Variants in IL1R1 observed in about 807,000 individuals in gnomAD.
IL1R1 encodes the protein interleukin 1 receptor type 1, also known as interleukin-1 receptor type 1.
In IL1R1, 22 loss-of-function variants were observed where a neutral mutation model predicts 50.2. The observed-to-expected ratio is 0.44, with a 90% CI of 0.31 to 0.63. The LOEUF is 0.63. IL1R1 is among the 20% of genes least tolerant of loss of function. The pLI is 0.07. For missense variants in IL1R1, 509 were observed against 676.2 expected, an observed-to-expected ratio of 0.75 and a Z score of 2.74; for synonymous variants, 251 against 236.7, an observed-to-expected ratio of 1.06 and a Z score of -0.55.
At chr2:102,073,529 T>C (rs1041482117) in intron 1 of IL1R1, among the ~76,000 whole-genome samples, 1 of 152,198 alleles carries the variant, frequency 6.6e-6, no homozygotes, top group Non-Finnish European at 1.5e-5. Context: ...CTGATGATGA[T>C]TGACAGGGAA....
chr2:102,169,947 A>T (rs1322169584), intron 7 of IL1R1, among the ~76,000 whole-genome samples: 1 of 152,104 alleles, frequency 6.6e-6, no homozygotes, highest in Non-Finnish European at 1.5e-5. Context: ...ACCACAAACC[A>T]TGTAATATCT....
rs1254417919 is a variant in IL1R1, at chr2:102,168,519, A to G, written c.656-79A>G. The G allele has an allele frequency of 2.8e-6, 3 of 1,077,138 alleles. No individual in the cohort carries two copies. In the East Asian group the frequency reaches 7.1e-5, roughly 26 times the overall value. 66.7% of individuals were successfully genotyped at this position (1,077,138 alleles called of 1,614,324 possible). Reference sequence around the variant, plus strand: ...AATATCTGGCCAGAAGTCATTTAGTATGTTTTGCTAAGTGTTGTCGTCACT... The same window carrying G: ...AATATCTGGCCAGAAGTCATTTAGTGTGTTTTGCTAAGTGTTGTCGTCACT... On this transcript the variant is annotated intron_variant, in intron 6 of 11. Transcript: ENST00000410023.
intron 7 of IL1R1, among the ~76,000 whole-genome samples, chr2:102,171,575 A>G (rs1238281176): frequency 3.3e-5 from 5 of 152,182 alleles, no homozygotes. Flanking sequence ...ACAAAATAGT[A>G]GGCAAAAAGA....
At chr2:102,141,222 G>A (rs1682627475), upstream of IL1R1, among the ~76,000 whole-genome samples, 1 of 152,150 alleles carries the variant, frequency 6.6e-6, no homozygotes, top group African/African-American at 2.4e-5. Flanking sequence ...GAGCTTAGAG[G>A]AACAACTGCT....
intron 1 of IL1R1, among the ~76,000 whole-genome samples, chr2:102,106,142 G>A (rs1484276469): frequency 6.6e-6 from 1 of 152,174 alleles, no homozygotes; most frequent in Non-Finnish European, 1.5e-5. Flanking sequence ...GGATGGTGGG[G>A]AAGGATGCTT....
chr2:102,176,676 C>G lies in IL1R1; in HGVS notation c.1627C>G (p.Arg543Gly). The stretch of plus-strand genomic sequence containing the variant: ...CAGGTACCACATGCCAGTCCAGCGA[C>G]GGTCACCTTCATCTAAACACCAGTT... ...NVRYHMPVQR[R>G]SPSSKHQLLS... is the part of the protein sequence containing the mutation. Residue 543 changes from arginine (R) to glycine (G), a missense_variant, in exon 12 of 12, where the codon CGG (arginine) becomes GGG (glycine). Coordinates refer to ENST00000410023, the MANE Select transcript of IL1R1 (RefSeq NM_000877.4). The G allele has an allele frequency of 1.2e-6, 2 of 1,614,210 alleles. No homozygotes were observed. Among genetic ancestry groups the G allele is most frequent in the South Asian group, 1.1e-5 (1 of 91,088 alleles).
intron 1 of IL1R1, among the ~76,000 whole-genome samples, chr2:102,131,440 C>G (rs2104416522): frequency 6.6e-6 from 1 of 152,076 alleles, no homozygotes; most frequent in South Asian, 2.1e-4. Flanking sequence ...AATTAGCAGA[C>G]AAGGACATGG....
chr2:102,083,256 T>C (rs1397523000), intron 1 of IL1R1, among the ~76,000 whole-genome samples: 2 of 152,118 alleles, frequency 1.3e-5, no homozygotes, highest in East Asian at 3.9e-4. Flanking sequence ...TGAGTGGGTG[T>C]TTGGAAAAAA....
chr2:102,071,345 T>G (rs994998446), intron 1 of IL1R1, among the ~76,000 whole-genome samples: 20 of 152,332 alleles, frequency 1.3e-4, no homozygotes, highest in African/African-American at 4.8e-4. Flanking sequence ...TCCTTAACAC[T>G]TTTCTCTCTT....
intron 1 of IL1R1, among the ~76,000 whole-genome samples, chr2:102,084,213 C>T (rs976125154): frequency 3.9e-5 from 6 of 152,156 alleles, no homozygotes; most frequent in African/African-American, 1.4e-4. Context: ...CTCAGTTAAA[C>T]TAAAGACAGC....
chr2:102,123,990 G>A (rs1165409342), intron 1 of IL1R1, among the ~76,000 whole-genome samples: 3 of 151,904 alleles, frequency 2.0e-5, no homozygotes, highest in African/African-American at 7.3e-5. Flanking sequence ...AGAGAAAGGG[G>A]TTTATCTTGT....
intron 1 of IL1R1, among the ~76,000 whole-genome samples, chr2:102,150,721 C>T (rs1182953342): frequency 3.3e-5 from 5 of 152,172 alleles, no homozygotes; most frequent in African/African-American, 9.7e-5. Context: ...GATGACCAGC[C>T]TAGGCCTTGG....
exon 1 of IL1R1, chr2:102,104,666 A>G (rs1680303145): frequency 6.6e-6 from 1 of 152,246 alleles, no homozygotes; most frequent in South Asian, 2.1e-4. Context: ...GTCCGGCAAG[A>G]TGTGAGTTGT....
chr2:102,175,712 A>C, intron 11 of IL1R1, 67 bp downstream of exon 11: 1 of 1,464,188 alleles, frequency 6.8e-7, no homozygotes, highest in South Asian at 1.1e-5. Context: ...TGTGGATTCC[A>C]TCTTTCTAGA....
At chr2:102,072,665 G>T (rs2104265093) in intron 1 of IL1R1, among the ~76,000 whole-genome samples, 1 of 152,076 alleles carries the variant, frequency 6.6e-6, no homozygotes, top group Admixed American at 6.5e-5. Context: ...TTCTCTCTTG[G>T]ATTTGTGAGA....
chr2:102,179,380 A>C lies in IL1R1; in HGVS notation c.*2621A>C, dbSNP rs1023127258. ...GAGGAAGATCCAAACAGAAAAGTGC[A>C]AAGTTATTCCCCATCTTCCAAGGGT... On this transcript the variant is annotated 3_prime_UTR_variant, in exon 12 of 12. Coordinates refer to ENST00000410023, the MANE Select transcript of IL1R1 (RefSeq NM_000877.4). 2 of 152,340 alleles carry C rather than the reference A, an allele frequency of 1.3e-5. No individual in the cohort carries two copies. The highest frequency in any genetic ancestry group is 2.4e-5 in the African/African-American group (1 of 41,442). 9.4% of individuals were successfully genotyped at this position (152,340 alleles called of 1,614,324 possible).
chr2:102,092,979 A>T (rs1679743486), intron 1 of IL1R1, among the ~76,000 whole-genome samples: 1 of 152,230 alleles, frequency 6.6e-6, no homozygotes, highest in South Asian at 2.1e-4. Context: ...CCAAAACTAC[A>T]TATAGACATC....
upstream of IL1R1, among the ~76,000 whole-genome samples, chr2:102,139,323 C>T (rs1682511562): frequency 1.3e-5 from 2 of 152,224 alleles, no homozygotes; most frequent in African/African-American, 4.8e-5. Flanking sequence ...CTCAAGGCAG[C>T]CTGTCCTCAG....
At chr2:102,086,257 A>G (rs559638034) in intron 1 of IL1R1, among the ~76,000 whole-genome samples, 309 of 152,182 alleles carry the variant, frequency 2.0e-3, no homozygotes, top group Non-Finnish European at 3.7e-3. Flanking sequence ...TGCTTAGAGT[A>G]TGTTGTTCCA....
Sources: gnomAD v4.1 joint callset for allele counts (sites outside exome capture counted in the v4.1 genomes callset) on GRCh38, gnomAD v4.1.1 for gene constraint, MANE v1.5 for transcripts, NCBI Gene and HGNC (gene_info 2026-07-23, HGNC 2026-07-21) for gene names.